MTMR2: variants seen among roughly 807,000 people sequenced by gnomAD.
MTMR2 encodes phosphatidylinositol-3,5-bisphosphate 3-phosphatase MTMR2.
In MTMR2, 55 loss-of-function variants were observed where a neutral mutation model predicts 86.9. The ratio of observed to expected loss-of-function variants is 0.63; its 90% CI spans 0.51 to 0.79. The LOEUF (loss-of-function observed/expected upper bound fraction) is 0.79, where lower values mean the gene tolerates loss of function less well. Among genes scored for constraint, MTMR2 ranks in the 30% least tolerant of loss-of-function variants. MTMR2 has a pLI of 0.00. For synonymous variants in MTMR2, 241 were observed against 266.8 expected, an observed-to-expected ratio of 0.90 and a Z score of 0.94; for missense variants, 659 against 772.3, an observed-to-expected ratio of 0.85 and a Z score of 1.74.
intron 1 of MTMR2, 23 bp from the exon 2 acceptor site, chr11:95,888,284 A>G: frequency 1.3e-6 from 2 of 1,570,280 alleles, no homozygotes; most frequent in Non-Finnish European, 1.8e-6. Context: ...AAAGTACAGT[A>G]TGTTGGAAAA....
chr11:95,915,273 C>T (rs1866655776), intron 1 of MTMR2, among the ~76,000 whole-genome samples: 1 of 152,092 alleles, frequency 6.6e-6, no homozygotes, highest in South Asian at 2.1e-4. Flanking sequence ...TAATGCATAA[C>T]CTCCAGACAA....
At chr11:95,865,490 C>T in intron 3 of MTMR2, 111 bp downstream of exon 3, 1 of 999,114 alleles carries the variant, frequency 1.0e-6, no homozygotes, top group Non-Finnish European at 1.6e-6. Flanking sequence ...AAGAGTTCTG[C>T]CAGACAGGAG....
At chr11:95,841,495 A>C in intron 12 of MTMR2, 122 bp downstream of exon 12, 1 of 788,048 alleles carries the variant, frequency 1.3e-6, no homozygotes. Context: ...TCTCACATGG[A>C]CATGGAGATG....
chr11:95,894,310 G>A (rs1865810130), intron 1 of MTMR2, among the ~76,000 whole-genome samples: 1 of 152,038 alleles, frequency 6.6e-6, no homozygotes, highest in African/African-American at 2.4e-5. Context: ...TCCCCACATA[G>A]TTATTATTTA....
chr11:95,890,969 A>G (rs1237660425), intron 1 of MTMR2, among the ~76,000 whole-genome samples: 1 of 152,240 alleles, frequency 6.6e-6, no homozygotes, highest in African/African-American at 2.4e-5. Context: ...GTCAAACACA[A>G]TATAGCAATC....
chr11:95,836,963 A>C (rs113432365), intron 13 of MTMR2, among the ~76,000 whole-genome samples: 302 of 152,134 alleles, frequency 2.0e-3, no homozygotes, highest in African/African-American at 6.7e-3. Flanking sequence ...TCAACTATAC[A>C]CTATCAAAGT....
chr11:95,885,596 T>C (rs943416347), intron 2 of MTMR2, among the ~76,000 whole-genome samples: 1 of 151,866 alleles, frequency 6.6e-6, no homozygotes, highest in African/African-American at 2.4e-5. Flanking sequence ...AAAATAAATA[T>C]CCATGAGTCC....
At chr11:95,852,590 T>C (rs942949257) in intron 7 of MTMR2, among the ~76,000 whole-genome samples, 1 of 152,208 alleles carries the variant, frequency 6.6e-6, no homozygotes, top group Non-Finnish European at 1.5e-5. Context: ...GGTCTACATA[T>C]TTCCCTCCCT....
chr11:95,912,336 T>C (rs1052274447), intron 1 of MTMR2, among the ~76,000 whole-genome samples: 15 of 151,946 alleles, frequency 9.9e-5, no homozygotes, highest in Admixed American at 6.6e-4. Context: ...AGAGCTCTTA[T>C]AAGTACAATC....
chr11:95,923,781 C>A, intron 1 of MTMR2, 94 bp downstream of exon 1: 1 of 1,507,178 alleles, frequency 6.6e-7, no homozygotes, highest in Non-Finnish European at 8.9e-7. Context: ...CCTTCAGAAA[C>A]CAGAATCCGC....
chr11:95,868,941 T>A (rs1864744864), intron 2 of MTMR2, among the ~76,000 whole-genome samples: 1 of 147,920 alleles, frequency 6.8e-6, no homozygotes, highest in African/African-American at 2.5e-5. Flanking sequence ...AACCCAGAAA[T>A]ACTTTTTAGA....
intron 1 of MTMR2, chr11:95,923,585 A>T (rs1348135996): frequency 1.9e-6 from 2 of 1,044,372 alleles, no homozygotes; most frequent in Non-Finnish European, 2.5e-6. Context: ...TTTGAGAGGG[A>T]ATGAAAGACA....
At chr11:95,883,303 C>T (rs1034478468) in intron 2 of MTMR2, among the ~76,000 whole-genome samples, 1 of 152,142 alleles carries the variant, frequency 6.6e-6, no homozygotes, top group African/African-American at 2.4e-5. Context: ...AATAATCAGA[C>T]ATAAGTTCCC....
In MTMR2 at chr11:95,919,535, T is replaced by C. The variant is rs141030915; in HGVS notation, c.80+4340A>G. Among the ~76,000 whole-genome samples the C allele has an allele frequency of 6.0e-4, 92 of 152,278 alleles. 3 individuals are homozygous for C. Among genetic ancestry groups the C allele is most frequent in the Middle Eastern group, 6.8e-3 (2 of 294 alleles). ...ATATGAAGGATGACAAGAACACACA[T>C]TAATTAAAACGACTAACAACACAAG... On this transcript the variant is annotated intron_variant, in intron 1 of 14. Transcript: ENST00000346299.
intron 2 of MTMR2, among the ~76,000 whole-genome samples, chr11:95,882,889 ATTTTTTTT>A (rs776661875): frequency 5.1e-4 from 39 of 76,076 alleles, no homozygotes; most frequent in Admixed American, 7.1e-4. Flanking sequence ...CATCCAGCTA[ATTTTTTTT>A]TTTTTTTTTT....
chr11:95,853,433 A>T (rs1353577980), intron 7 of MTMR2, among the ~76,000 whole-genome samples: 7 of 152,156 alleles, frequency 4.6e-5, no homozygotes, highest in Non-Finnish European at 1.0e-4. Context: ...AAGATGCAAA[A>T]GGGATTATGT....
intron 2 of MTMR2, among the ~76,000 whole-genome samples, chr11:95,871,646 A>G (rs1338544081): frequency 1.3e-5 from 2 of 152,152 alleles, no homozygotes; most frequent in Admixed American, 6.5e-5. Context: ...CCTTTGTCAG[A>G]TGAGTAGATT....
chr11:95,896,862 C>G (rs1348463174), intron 1 of MTMR2, among the ~76,000 whole-genome samples: 1 of 141,534 alleles, frequency 7.1e-6, no homozygotes, highest in African/African-American at 2.7e-5. Flanking sequence ...CTGAGACAAA[C>G]ATTTCTTTTA....
chr11:95,888,130 T>C lies in MTMR2; in HGVS notation c.186+26A>G, dbSNP rs978223412. ...CAAATATTTAACAGAAAGTACTTCA[T>C]CAGAACTTTAAAATAGTATACATAC... On this transcript the variant is annotated intron_variant, in intron 2 of 14. Transcript: ENST00000346299. 7.2e-6 allele frequency: 11 copies of C among 1,524,718 alleles called. No individual in the cohort carries two copies. In the East Asian group the frequency reaches 9.0e-5, roughly 13 times the overall value. 94.4% of individuals were successfully genotyped at this position (1,524,718 alleles called of 1,614,324 possible).
Sources: gnomAD v4.1 joint callset for allele counts (sites outside exome capture counted in the v4.1 genomes callset) on GRCh38, gnomAD v4.1.1 for gene constraint, MANE v1.5 for transcripts, NCBI Gene and HGNC (gene_info 2026-07-23, HGNC 2026-07-21) for gene names.